SLC25A41: variants seen among roughly 807,000 people sequenced by gnomAD.
SLC25A41 encodes mitochondrial carrier protein SCaMC-3L.
In SLC25A41, 35 loss-of-function variants were observed where a neutral mutation model predicts 34.7. The ratio of observed to expected loss-of-function variants is 1.01; its 90% CI spans 0.77 to 1.34. The LOEUF (loss-of-function observed/expected upper bound fraction) is 1.34, where lower values mean the gene tolerates loss of function less well. Among genes scored for constraint, SLC25A41 ranks in the 40% most tolerant of loss-of-function variants. The pLI is 0.00. For missense variants in SLC25A41, 492 were observed against 489.8 expected, an observed-to-expected ratio of 1.00 and a Z score of -0.04; for synonymous variants, 190 against 209.9, an observed-to-expected ratio of 0.91 and a Z score of 0.82.
rs1568349788 is a variant in SLC25A41 at position 6,429,141 on chromosome 19, TA to T, written c.624+582del. ...ATATTATATATATGTTATATATATA[TA>T]TAATATATATATTATATATATAATA... is the stretch of plus-strand genomic sequence containing the variant. On this transcript the variant is annotated intron_variant, in intron 4 of 6. Coordinates refer to ENST00000321510, the MANE Select transcript of SLC25A41 (RefSeq NM_173637.4). Among the ~76,000 whole-genome samples the T allele has an allele frequency of 4.8e-3, 276 of 58,058 alleles. 68 individuals are homozygous for T. The highest frequency in any genetic ancestry group is 0.024 in the African/African-American group (253 of 10,670). 38.1% of individuals were successfully genotyped at this position (58,058 alleles called of 152,430 possible).
intron 4 of SLC25A41, among the ~76,000 whole-genome samples, chr19:6,429,433 AGG>A: frequency 1.1e-5 from 1 of 94,138 alleles, no homozygotes; most frequent in East Asian, 3.8e-4. Flanking sequence ...GGGAGAAAGG[AGG>A]AGGGAAGGAG....
chr19:6,431,609 T>C (rs760652133), intron 2 of SLC25A41, among the ~76,000 whole-genome samples: 1 of 151,922 alleles, frequency 6.6e-6, no homozygotes, highest in Non-Finnish European at 1.5e-5. Context: ...CCGACTAATT[T>C]TTTTGTATTT....
In SLC25A41 at chr19:6,432,309, C is replaced by T. The variant is rs574495670; in HGVS notation, c.208-105G>A. ...TGGTGAAAGACCCACCCTGTTCCCC[C>T]AAGTCTGCATTTTTTTTTTTCGAGA... is the stretch of plus-strand genomic sequence containing the variant. On this transcript the variant is annotated intron_variant, in intron 1 of 6. Transcript: ENST00000321510. The T allele has an allele frequency of 7.0e-5, 90 of 1,280,336 alleles. 3 individuals carry two copies. In the South Asian group the frequency reaches 7.5e-4, roughly 11 times the overall value. 79.3% of individuals were successfully genotyped at this position (1,280,336 alleles called of 1,614,324 possible).
intron 4 of SLC25A41, among the ~76,000 whole-genome samples, chr19:6,429,054 T>TA (rs2092259732): frequency 3.7e-5 from 2 of 53,482 alleles, no homozygotes; most frequent in African/African-American, 2.2e-4. Context: ...ATATATTATA[T>TA]ATATGTTATA....
intron 4 of SLC25A41, among the ~76,000 whole-genome samples, chr19:6,429,055 AT>A (rs2092259775): frequency 1.9e-5 from 1 of 53,072 alleles, no homozygotes; most frequent in African/African-American, 1.1e-4. Context: ...TATATTATAT[AT>A]ATGTTATATA....
chr19:6,434,358 TA>T (rs891215502), upstream of SLC25A41, among the ~76,000 whole-genome samples: 7 of 152,294 alleles, frequency 4.6e-5, no homozygotes, highest in African/African-American at 1.2e-4. Context: ...AAGATGGAAT[TA>T]GTTCCCTATA....
chr19:6,434,754 C>CA (rs1188399050), upstream of SLC25A41, among the ~76,000 whole-genome samples: 16 of 151,964 alleles, frequency 1.1e-4, no homozygotes, highest in Non-Finnish European at 1.5e-5. Context: ...CCTAAAAATA[C>CA]AAAAATTAGC....
chr19:6,428,662 A>T (rs2092255558), intron 4 of SLC25A41, among the ~76,000 whole-genome samples: 1 of 146,364 alleles, frequency 6.8e-6, no homozygotes, highest in African/African-American at 2.5e-5. Flanking sequence ...ATATATTTAC[A>T]TAATAAGTAA....
In SLC25A41 at chr19:6,428,862, C is replaced by T. The variant is rs550501546; in HGVS notation, c.624+862G>A. On this transcript the variant is annotated intron_variant, in intron 4 of 6. Transcript: ENST00000321510. ...CTGAGTAGCTGGGACTACAGGCATG[C>T]GCCACCACACCTGGCTGATTTTTGT... 3.0e-3 allele frequency among the ~76,000 whole-genome samples: 429 copies of T among 142,672 alleles called. 3 individuals carry two copies. Among genetic ancestry groups the T allele is most frequent in the African/African-American group, 0.01 (406 of 38,942 alleles). 93.6% of individuals were successfully genotyped at this position (142,672 alleles called of 152,430 possible).
chr19:6,426,256 A>AC lies in SLC25A41; in HGVS notation c.*132dup. 9.5e-6 allele frequency: 1 copy of AC among 105,012 alleles called. No individual in the cohort carries two copies. The highest frequency in any genetic ancestry group is 1.4e-4 in the South Asian group (1 of 7,126). The allele number at this position is 105,012 out of a possible 1,614,324, so 6.5% of individuals were successfully genotyped here. A position where few individuals can be genotyped will look rare whatever the true frequency, so the allele number is the denominator to read the frequency against. ...TCTTCTGACCCAGAGCCCCACCCCC[A>AC]CCCCCAGCCTGCTTTTGCCACCAAA... On this transcript the variant is annotated 3_prime_UTR_variant, in exon 7 of 7. Coordinates refer to ENST00000321510, the MANE Select transcript of SLC25A41 (RefSeq NM_173637.4).
chr19:6,428,631 T>C (rs1383173844), intron 4 of SLC25A41, among the ~76,000 whole-genome samples: 2 of 147,486 alleles, frequency 1.4e-5, no homozygotes, highest in African/African-American at 4.9e-5. Flanking sequence ...TTATATATAA[T>C]ATATACATGT....
At position 6,429,725 on chromosome 19, in the gene SLC25A41, T is replaced by A. The variant is rs1260990521; in HGVS notation, c.623A>T (p.Glu208Val). 1 of 1,580,216 alleles carries A rather than the reference T, an allele frequency of 6.3e-7. No individual in the cohort carries two copies. The highest frequency in any genetic ancestry group is 8.6e-7 in the Non-Finnish European group (1 of 1,166,426). The change falls in exon 4 of 7, where the codon GAG (glutamate) becomes GTG (valine). Residue 208 changes from glutamate (E) to valine (V), a missense_variant and splice_region_variant. By Grantham distance (121) the Glu-to-Val change is moderately radical. Coordinates refer to ENST00000321510, the MANE Select transcript of SLC25A41 (RefSeq NM_173637.4). The stretch of plus-strand genomic sequence containing the variant: ...CCTGCGGGGCACATGCTCTCTTACC[T>A]CCATGGGGTTGATGAGGGTCTGGGA... ...AISQTLINPM[E>V]VLKTRLTLRR...
chr19:6,435,329 G>A (rs2092304805), upstream of SLC25A41, among the ~76,000 whole-genome samples: 1 of 152,026 alleles, frequency 6.6e-6, no homozygotes, highest in South Asian at 2.1e-4. Flanking sequence ...CACACTTAAG[G>A]TCAATCCCCT....
In SLC25A41 at chr19:6,427,486, A is replaced by C. The variant is rs773882834; in HGVS notation, c.640T>G (p.Leu214Val). The C allele has an allele frequency of 6.5e-7, 1 of 1,549,268 alleles. No individual in the cohort carries two copies. Among genetic ancestry groups the C allele is most frequent in the Non-Finnish European group, 8.8e-7 (1 of 1,142,102 alleles). ...INPMEVLKTRLTLRRTGQYKG... is the reference protein window; with the variant it reads ...INPMEVLKTRVTLRRTGQYKG... ...TACTGGCCCGTCCGACGCAAGGTCAACCGCGTCTTCAGCACCTGAGGATGG... is the reference window on the plus strand; with the variant it reads ...TACTGGCCCGTCCGACGCAAGGTCACCCGCGTCTTCAGCACCTGAGGATGG... Residue 214 changes from leucine (L) to valine (V), a missense_variant, in exon 5 of 7, where the codon TTG becomes GTG. Coordinates refer to ENST00000321510, the MANE Select transcript of SLC25A41 (RefSeq NM_173637.4). The surrounding 1 kb of genome is among the most constrained non-coding windows in gnomAD (Gnocchi z 4.9).
intron 4 of SLC25A41, 130 bp downstream of exon 4, chr19:6,429,594 G>A: frequency 1.7e-6 from 1 of 595,290 alleles, no homozygotes; most frequent in Non-Finnish European, 2.9e-6. Context: ...TGAACGGGGA[G>A]GAGGGAGAAG....
At position 6,427,798 on chromosome 19, in the gene SLC25A41, G is replaced by A. The variant is rs1480289176; in HGVS notation, c.625-297C>T. On this transcript the variant is annotated intron_variant, in intron 4 of 6. Coordinates refer to ENST00000321510, the MANE Select transcript of SLC25A41 (RefSeq NM_173637.4). This position sits in a 1 kb window ranked among gnomAD's most constrained non-coding sequence, Gnocchi z 4.9. The stretch of plus-strand genomic sequence containing the variant: ...GGCCGGGAGTTCGAGACCAGCCTGG[G>A]CAACATAGCGAGACCCCATCTTTAC... Among the ~76,000 whole-genome samples, 1 of 152,136 alleles carries A rather than the reference G, an allele frequency of 6.6e-6. No individual in the cohort carries two copies. The highest frequency in any genetic ancestry group is 1.5e-5 in the Non-Finnish European group (1 of 68,032).
At chr19:6,430,486 T>G in intron 2 of SLC25A41, 15 of 448,822 alleles carry the variant, frequency 3.3e-5, no homozygotes, top group East Asian at 6.5e-5. Flanking sequence ...CGTTCCTCCC[T>G]TCCTTCTTTT....
intron 1 of SLC25A41, among the ~76,000 whole-genome samples, chr19:6,433,144 GT>G (rs1203549455): frequency 6.6e-6 from 1 of 152,022 alleles, no homozygotes; most frequent in Non-Finnish European, 1.5e-5. Flanking sequence ...TACCTCCTGA[GT>G]TCAAGCGATT....
upstream of SLC25A41, among the ~76,000 whole-genome samples, chr19:6,435,060 T>TA (rs535567237): frequency 0.011 from 1,627 of 151,182 alleles, 20 homozygotes; most frequent in South Asian, 0.037. Flanking sequence ...CCTGTCTCTA[T>TA]AAAAAATACA....
Sources: gnomAD v4.1 joint callset for allele counts (sites outside exome capture counted in the v4.1 genomes callset) on GRCh38, gnomAD v4.1.1 for gene constraint, Gnocchi (gnomAD v3.1) non-coding constraint, MANE v1.5 for transcripts, NCBI Gene and HGNC (gene_info 2026-07-23, HGNC 2026-07-21) for gene names.